KMT2E: variants seen among roughly 807,000 people sequenced by gnomAD.
The protein encoded by KMT2E is histone reader KMT2E.
In KMT2E, 30 loss-of-function variants were observed where a neutral mutation model predicts 184.6. The ratio of observed to expected loss-of-function variants is 0.16; its 90% CI spans 0.12 to 0.22. The LOEUF is 0.22. Ranked by LOEUF, KMT2E falls within the 10% of genes least tolerant of loss-of-function variation. The pLI, the probability that KMT2E is intolerant of heterozygous loss-of-function variation, is 1.00. For synonymous variants in KMT2E, 815 were observed against 776.5 expected (o/e 1.05, Z -0.82); for missense variants, 2,023 against 2,237.4 (o/e 0.90, Z 1.93).
chr7:105,064,162 T>TG (rs1796933084), intron 5 of KMT2E: 4 of 258,240 alleles, frequency 1.5e-5, no homozygotes, highest in East Asian at 1.3e-4. Flanking sequence ...TTTTTTTTCT[T>TG]GGTTTTTTTT....
intron 1 of KMT2E, among the ~76,000 whole-genome samples, chr7:105,022,745 A>G (rs1305335776): frequency 6.6e-6 from 1 of 152,172 alleles, no homozygotes; most frequent in African/African-American, 2.4e-5. Context: ...TAATTAAAAA[A>G]ACTAATTTTC....
At chr7:105,091,929 T>C (rs570013590) in intron 15 of KMT2E, among the ~76,000 whole-genome samples, 8 of 152,382 alleles carry the variant, frequency 5.2e-5, no homozygotes, top group Non-Finnish European at 1.2e-4. Flanking sequence ...GCATTTGATA[T>C]ATCAGCCAGT....
intron 3 of KMT2E, among the ~76,000 whole-genome samples, chr7:105,051,616 A>AT (rs1181083067): frequency 6.6e-6 from 1 of 150,862 alleles, no homozygotes; most frequent in Non-Finnish European, 1.5e-5. Flanking sequence ...TTCAAAGTAT[A>AT]TTTTTGTTTT....
Position 105,112,837 on chromosome 7 carries a change from C to G in KMT2E, c.5081C>G (p.Pro1694Arg). ...PGPAPHHHPPPHPSTGLQGLQ... is the reference protein window; with the variant it reads ...PGPAPHHHPPRHPSTGLQGLQ... ...CCTGCCCCTCATCACCATCCACCAC[C>G]CCATCCATCCACAGGACTCCAAGGT... The change falls in exon 27 of 27, where the codon CCC becomes CGC. Residue 1694 changes from proline (P) to arginine (R), a missense_variant. By Grantham distance (103) the Pro-to-Arg change is moderately radical (BLOSUM62 -2). This residue lies in a region of KMT2E where 1,108 missense variants were observed against 1,050.9 expected (regional missense o/e 1.05). Transcript: ENST00000311117. 1.2e-6 allele frequency: 2 copies of G among 1,607,298 alleles called. No homozygotes were observed. Among genetic ancestry groups the G allele is most frequent in the Non-Finnish European group, 1.7e-6 (2 of 1,177,172 alleles).
chr7:105,017,335 T>C (rs1439641275), intron 1 of KMT2E, among the ~76,000 whole-genome samples: 1 of 152,156 alleles, frequency 6.6e-6, no homozygotes, highest in Admixed American at 6.5e-5. Flanking sequence ...TAGGAAAAGC[T>C]GTCTTCAGTT....
Position 105,081,708 on chromosome 7 carries a change from T to C in KMT2E, c.1269T>C (p.Asp423=). Residue 423 remains aspartate, a synonymous_variant, in exon 13 of 27, where the codon GAT becomes GAC. Transcript: ENST00000311117. ...TTTAGGTGAGGCATGAAATTCAAGA[T>C]GGAACCATACATCTTTATATTTATT... ...PNAEVRHEIQ[D]GTIHLYIYSI... is the part of the protein sequence containing the mutation. 2.0e-6 allele frequency: 3 copies of C among 1,489,720 alleles called. No individual in the cohort carries two copies. The highest frequency in any genetic ancestry group is 2.8e-6 in the Non-Finnish European group (3 of 1,086,194). 92.3% of individuals were successfully genotyped at this position (1,489,720 alleles called of 1,614,324 possible). A position where few individuals can be genotyped will look rare whatever the true frequency, so the allele number is the denominator to read the frequency against.
At chr7:105,067,392 T>C (rs1397087163) in intron 6 of KMT2E, among the ~76,000 whole-genome samples, 1 of 152,142 alleles carries the variant, frequency 6.6e-6, no homozygotes, top group East Asian at 1.9e-4. Context: ...TTTGTAATTT[T>C]TTTTTCCACA....
chr7:105,087,009 A>G (rs1797999158), intron 13 of KMT2E, among the ~76,000 whole-genome samples: 1 of 146,994 alleles, frequency 6.8e-6, no homozygotes, highest in Non-Finnish European at 1.5e-5. Flanking sequence ...ATTTGTTGGC[A>G]AATATATAGC....
rs998565435 is a variant in KMT2E at position 105,079,597 on chromosome 7, C to T, written c.1248+634C>T. Among the ~76,000 whole-genome samples, 5 of 134,566 alleles carry T rather than the reference C, an allele frequency of 3.7e-5. No homozygotes were observed. In the East Asian group the frequency reaches 1.2e-3, roughly 33 times the overall value. 88.3% of individuals were successfully genotyped at this position (134,566 alleles called of 152,430 possible). A position where few individuals can be genotyped will look rare whatever the true frequency, so the allele number is the denominator to read the frequency against. ...AGTGTGGTGTCATGAGCACAGCTCA[C>T]TACAGCCTCCGTGACCTCTCATGCT... On this transcript the variant is annotated intron_variant, in intron 12 of 26. Transcript: ENST00000311117.
At position 105,081,743 on chromosome 7, in the gene KMT2E, G is replaced by A; in HGVS notation, c.1304G>A (p.Ser435Asn). ...TIHLYIYSIH[S>N]IPKGTEITIA... ...CATCTTTATATTTATTCTATACACA[G>A]TATTCCAAAGGGAACTGAAATTACT... The change falls in exon 13 of 27, where the codon AGT becomes AAT. Residue 435 changes from serine to asparagine, a missense_variant. Ser to Asn is a conservative substitution (Grantham distance 46). Around this residue, in one of 8 missense-constraint regions of KMT2E, gnomAD observed 68 missense variants for 133.1 expected, o/e 0.51. Coordinates refer to ENST00000311117, the MANE Select transcript of KMT2E (RefSeq NM_182931.3). 1 of 1,552,664 alleles carries A rather than the reference G, an allele frequency of 6.4e-7. No homozygotes were observed. Among genetic ancestry groups the A allele is most frequent in the Non-Finnish European group, 8.8e-7 (1 of 1,135,156 alleles).
chr7:105,053,350 A>G (rs1043277929), intron 3 of KMT2E, among the ~76,000 whole-genome samples: 1 of 152,180 alleles, frequency 6.6e-6, no homozygotes, highest in Non-Finnish European at 1.5e-5. Context: ...CAGTATAAAG[A>G]ATTTTAACAA....
chr7:105,041,049 G>GC (rs1554382298), intron 3 of KMT2E, 26 bp downstream of exon 3: 13 of 523,038 alleles, frequency 2.5e-5, no homozygotes, highest in East Asian at 1.3e-4. Context: ...GGTTACATAA[G>GC]CAAAAAAAAA....
chr7:105,109,067 C>T lies in KMT2E; in HGVS notation c.3594C>T (p.Gly1198=), dbSNP rs777674786. The change falls in exon 23 of 27, where the codon GGC becomes GGT. Residue 1198 remains glycine, a synonymous_variant. Transcript: ENST00000311117. The part of the protein sequence containing the change: ...ASGSLSNNGD[G]CASSNDNGEQ... ...GAAGCTTGAGCAACAATGGTGATGG[C>T]TGTGCCAGCAGTAATGACAATGGGG... 20 of 1,614,054 alleles carry T rather than the reference C, an allele frequency of 1.2e-5. No homozygotes were observed. The highest frequency in any genetic ancestry group is 1.7e-5 in the Non-Finnish European group (20 of 1,180,030).
rs781599830 is a variant in KMT2E, at chr7:105,106,615, C to T, written c.2690C>T (p.Thr897Ile). Residue 897 changes from threonine to isoleucine, a missense_variant, in exon 20 of 27, where the codon ACA becomes ATA. Thr to Ile is a moderately conservative substitution (Grantham distance 89). Coordinates refer to ENST00000311117, the MANE Select transcript of KMT2E (RefSeq NM_182931.3). ...ACACCTACTCCTTCCCCGTATGCTA[C>T]ACCAACTCACACCGATATTACTCCT... ...TSTPTPSPYATPTHTDITPMD... is the reference protein window; with the variant it reads ...TSTPTPSPYAIPTHTDITPMD... 1.2e-6 allele frequency: 2 copies of T among 1,613,964 alleles called. No homozygotes were observed. Among genetic ancestry groups the T allele is most frequent in the Admixed American group, 1.7e-5 (1 of 59,994 alleles).
chr7:105,025,852 G>A (rs116742188), intron 1 of KMT2E, among the ~76,000 whole-genome samples: 41 of 152,264 alleles, frequency 2.7e-4, no homozygotes, highest in African/African-American at 9.9e-4. Context: ...TGGGCAAGAT[G>A]ACTAAAAGAT....
intron 6 of KMT2E, among the ~76,000 whole-genome samples, chr7:105,069,074 A>G (rs571718423): frequency 3.8e-4 from 58 of 152,278 alleles, no homozygotes; most frequent in African/African-American, 1.4e-3. Context: ...TGGTGTGACA[A>G]GATGTCTCAG....
At chr7:105,060,025 T>A in intron 3 of KMT2E, among the ~76,000 whole-genome samples, 1 of 119,504 alleles carries the variant, frequency 8.4e-6, no homozygotes, top group African/African-American at 3.3e-5. Context: ...GACAGAGTCT[T>A]AACTCTGTCG....
Position 105,114,870 on chromosome 7 carries a change from G to A in KMT2E, c.*1537G>A, listed in dbSNP as rs557763008. Among the ~76,000 whole-genome samples the A allele has an allele frequency of 1.3e-5, 2 of 152,136 alleles. No individual in the cohort carries two copies. Among genetic ancestry groups the A allele is most frequent in the African/African-American group, 2.4e-5 (1 of 41,428 alleles). ...TTAGAAGAACATATAGGCCAAGTTT[G>A]CCATCCTCAATTTGTCCAACAAAAT... On this transcript the variant is annotated 3_prime_UTR_variant, in exon 27 of 27. Transcript: ENST00000311117.
intron 5 of KMT2E, chr7:105,064,093 G>GA (rs1481155055): frequency 2.4e-6 from 1 of 416,442 alleles, no homozygotes; most frequent in Non-Finnish European, 4.8e-6. Flanking sequence ...CAGCCACCAA[G>GA]AAAGGCCTCC....
Sources: allele counts gnomAD v4.1 joint callset (sites outside exome capture counted in the v4.1 genomes callset), GRCh38; gene constraint gnomAD v4.1.1; regional missense constraint gnomAD v4.1.1; transcripts MANE v1.5; gene names NCBI Gene and HGNC (gene_info 2026-07-23, HGNC 2026-07-21).